Variants in SPAG16 observed in about 807,000 individuals in gnomAD.
SPAG16 encodes sperm associated antigen 16.
Under a neutral mutation model 80.4 loss-of-function variants are expected in SPAG16, and 86 were observed. That is an observed-to-expected ratio of 1.07 (90% CI 0.90 to 1.28). The LOEUF is 1.28. SPAG16 is among the 50% of genes most tolerant of loss of function. The pLI is 0.00. For missense variants in SPAG16, 870 were observed against 765.3 expected (o/e 1.14, Z -1.61); for synonymous variants, 294 against 265.9 (o/e 1.11, Z -1.03).
chr2:214,379,484 A>G lies in SPAG16; in HGVS notation c.1721-30656A>G, dbSNP rs569650994. Among the ~76,000 whole-genome samples the G allele has an allele frequency of 2.0e-5, 3 of 152,338 alleles. No homozygotes were observed. In the East Asian group the frequency reaches 5.8e-4, roughly 29 times the overall value. On this transcript the variant is annotated intron_variant, in intron 15 of 15. Transcript: ENST00000331683. ...CACTCCAAGAGTTGGATATATGTAT[A>G]AAGTTGATCTACAAGAAATGTCTCC...
At chr2:213,649,747 A>G (rs2062956594) in intron 10 of SPAG16, among the ~76,000 whole-genome samples, 1 of 152,096 alleles carries the variant, frequency 6.6e-6, no homozygotes, top group Non-Finnish European at 1.5e-5. Context: ...GCTAATTTAA[A>G]ATAAAATATT....
At chr2:213,526,486 G>A (rs913442140) in intron 10 of SPAG16, among the ~76,000 whole-genome samples, 1 of 152,112 alleles carries the variant, frequency 6.6e-6, no homozygotes, top group African/African-American at 2.4e-5. Context: ...TGGAGATAGA[G>A]ATCTTTCCAG....
chr2:213,436,288 G>GCTAA (rs2070635233), intron 9 of SPAG16, among the ~76,000 whole-genome samples: 1 of 152,172 alleles, frequency 6.6e-6, no homozygotes, highest in Admixed American at 6.5e-5. Flanking sequence ...AATATGTGTG[G>GCTAA]CTAACGGATT....
chr2:213,618,568 C>A (rs138725666), intron 10 of SPAG16, among the ~76,000 whole-genome samples: 1 of 152,190 alleles, frequency 6.6e-6, no homozygotes, highest in Non-Finnish European at 1.5e-5. Flanking sequence ...TAATGCCAAT[C>A]TCTTTAACAG....
At chr2:213,346,379 C>A (rs569368834) in intron 6 of SPAG16, among the ~76,000 whole-genome samples, 5 of 152,302 alleles carry the variant, frequency 3.3e-5, no homozygotes, top group South Asian at 4.1e-4. Flanking sequence ...TTATTTCCTT[C>A]TCCTGCCTGA....
At chr2:214,135,857 G>T (rs1450212753) in intron 14 of SPAG16, among the ~76,000 whole-genome samples, 2 of 152,050 alleles carry the variant, frequency 1.3e-5, no homozygotes, top group African/African-American at 4.8e-5. Flanking sequence ...AGATACTGGC[G>T]CCATGCTTCT....
At chr2:214,132,710 G>C (rs907540798) in intron 14 of SPAG16, among the ~76,000 whole-genome samples, 2 of 152,158 alleles carry the variant, frequency 1.3e-5, no homozygotes, top group Non-Finnish European at 1.5e-5. Flanking sequence ...TTGAGGAATA[G>C]CCAATAGAGT....
intron 12 of SPAG16, among the ~76,000 whole-genome samples, chr2:213,984,041 T>A (rs913960753): frequency 7.9e-5 from 12 of 152,098 alleles, no homozygotes; most frequent in African/African-American, 2.9e-4. Flanking sequence ...TTGTGAGTAG[T>A]ACAGCATTCT....
intron 15 of SPAG16, among the ~76,000 whole-genome samples, chr2:214,251,246 T>C (rs112700421): frequency 0.017 from 2,480 of 149,156 alleles, 41 homozygotes; most frequent in African/African-American, 0.038. Context: ...CCTGAGTAAA[T>C]CTAAGGCTAC....
chr2:213,317,837 C>T (rs1127380), intron 5 of SPAG16: 146,980 of 579,770 alleles, frequency 0.25, 20,813 homozygotes, highest in Non-Finnish European at 0.28. Context: ...CAAATGTATC[C>T]CTCTGTTGGG....
chr2:214,254,183 G>A (rs1045689121), intron 15 of SPAG16, among the ~76,000 whole-genome samples: 5 of 152,032 alleles, frequency 3.3e-5, no homozygotes, highest in African/African-American at 1.2e-4. Flanking sequence ...AGTCGATTTT[G>A]GGCTGAGATG....
chr2:214,059,232 ATATATATATGTATG>A (rs1368706430), intron 13 of SPAG16, among the ~76,000 whole-genome samples: 18 of 120,132 alleles, frequency 1.5e-4, no homozygotes, highest in African/African-American at 3.9e-4. Context: ...GTATATATAT[ATATATATATGTATG>A]TATATATATG....
At chr2:213,462,210 A>G (rs1004650018) in intron 9 of SPAG16, among the ~76,000 whole-genome samples, 1 of 152,172 alleles carries the variant, frequency 6.6e-6, no homozygotes, top group Non-Finnish European at 1.5e-5. Context: ...TTTTGGAGTG[A>G]AAATAGGGAA....
At chr2:214,333,223 G>T (rs1297751348) in intron 15 of SPAG16, among the ~76,000 whole-genome samples, 1 of 152,050 alleles carries the variant, frequency 6.6e-6, no homozygotes, top group Non-Finnish European at 1.5e-5. Flanking sequence ...GCTTTTTATT[G>T]GTGCTTCTGA....
At chr2:213,542,038 C>A (rs1358839250) in intron 10 of SPAG16, among the ~76,000 whole-genome samples, 1 of 152,196 alleles carries the variant, frequency 6.6e-6, no homozygotes, top group East Asian at 1.9e-4. Context: ...TAGACAAATT[C>A]TCAATATTAA....
At chr2:214,129,055 A>G in intron 14 of SPAG16, among the ~76,000 whole-genome samples, 1 of 150,496 alleles carries the variant, frequency 6.6e-6, no homozygotes, top group Non-Finnish European at 1.5e-5. Flanking sequence ...TAATCATTTC[A>G]GGTAGTTCTT....
chr2:214,351,536 C>T (rs1698405007), intron 15 of SPAG16, among the ~76,000 whole-genome samples: 2 of 67,774 alleles, frequency 3.0e-5, no homozygotes, highest in Admixed American at 1.6e-4. Context: ...CCCGTTTCTA[C>T]TAAAAAAATA....
At chr2:213,514,691 C>T (rs2075357960) in intron 10 of SPAG16, among the ~76,000 whole-genome samples, 1 of 141,618 alleles carries the variant, frequency 7.1e-6, no homozygotes, top group Admixed American at 7.7e-5. Context: ...TTGTTCAATT[C>T]CCACCTATGA....
chr2:213,644,954 C>G (rs1181380679), intron 10 of SPAG16, among the ~76,000 whole-genome samples: 1 of 152,228 alleles, frequency 6.6e-6, no homozygotes, highest in Non-Finnish European at 1.5e-5. Context: ...GGCGATGTCC[C>G]TCAGGCCCTG....
Sources: allele counts gnomAD v4.1 joint callset (sites outside exome capture counted in the v4.1 genomes callset), GRCh38; gene constraint gnomAD v4.1.1; transcripts MANE v1.5; gene names NCBI Gene and HGNC (gene_info 2026-07-23, HGNC 2026-07-21).